Variants in DMRT1 observed in about 807,000 individuals in gnomAD.
The protein encoded by DMRT1 is doublesex and mab-3 related transcription factor 1, also known as doublesex- and mab-3-related transcription factor 1.
DMRT1 carries 7 observed loss-of-function variants against 32.3 expected under a neutral mutation model. The observed-to-expected ratio is 0.22, with a 90% CI of 0.12 to 0.41. The LOEUF (loss-of-function observed/expected upper bound fraction) is 0.41. Ranked by LOEUF, DMRT1 falls within the 10% of genes least tolerant of loss-of-function variation. The probability of loss-of-function intolerance (pLI) is 1.00; values close to 1 mark genes in which losing one functional copy is unlikely to be tolerated. For missense variants in DMRT1, 625 were observed against 500.5 expected (o/e 1.25, Z -2.37); for synonymous variants, 278 against 206.1 (o/e 1.35, Z -2.99).
In DMRT1 at chr9:945,718, C is replaced by CT. The variant is rs199537897; in HGVS notation, c.968-22261dup. 3.7e-3 allele frequency among the ~76,000 whole-genome samples: 525 copies of CT among 141,694 alleles called. 5 individuals are homozygous for CT. The highest frequency in any genetic ancestry group is 5.7e-3 in the Non-Finnish European group (375 of 65,536). The allele number at this position is 141,694 out of a possible 152,430, so 93.0% of individuals were successfully genotyped here. A position where few individuals can be genotyped will look rare whatever the true frequency, so the allele number is the denominator to read the frequency against. On this transcript the variant is annotated intron_variant, in intron 4 of 4. Coordinates refer to ENST00000382276, the MANE Select transcript of DMRT1 (RefSeq NM_021951.3). ...ATTCTCTGTAGTTCCTGATGAGTTGCTTTTTTAAAAAAAAATACACACTTT... is the reference window on the plus strand; with the variant it reads ...ATTCTCTGTAGTTCCTGATGAGTTGCTTTTTTTAAAAAAAAATACACACTTT...
chr9:856,208 C>T (rs572182067), intron 2 of DMRT1, among the ~76,000 whole-genome samples: 1 of 152,254 alleles, frequency 6.6e-6, no homozygotes, highest in East Asian at 1.9e-4. Flanking sequence ...TGAGCCACCG[C>T]GCCCGGTGAC....
chr9:888,952 C>A (rs1817037394), intron 2 of DMRT1, among the ~76,000 whole-genome samples: 1 of 149,008 alleles, frequency 6.7e-6, no homozygotes, highest in South Asian at 2.1e-4. Flanking sequence ...CATGGTGAGA[C>A]CCCATCTGTA....
chr9:940,927 A>G (rs181746528), intron 4 of DMRT1, among the ~76,000 whole-genome samples: 3 of 152,360 alleles, frequency 2.0e-5, no homozygotes, highest in East Asian at 1.9e-4. Context: ...GCTAATACGC[A>G]TATGAAAGGA....
intron 2 of DMRT1, among the ~76,000 whole-genome samples, chr9:887,544 T>G (rs1230470370): frequency 6.6e-6 from 1 of 152,224 alleles, no homozygotes; most frequent in African/African-American, 2.4e-5. Flanking sequence ...CAGTTGTCAC[T>G]TGTGAACTCT....
chr9:875,332 C>T (rs1816451223), intron 2 of DMRT1, among the ~76,000 whole-genome samples: 1 of 152,186 alleles, frequency 6.6e-6, no homozygotes, highest in African/African-American at 2.4e-5. Flanking sequence ...TGCAAACTCA[C>T]TTTCCACAGA....
At position 924,103 on chromosome 9, in the gene DMRT1, T is replaced by A. The variant is rs530881325; in HGVS notation, c.967+7196T>A. On this transcript the variant is annotated intron_variant, in intron 4 of 4. Transcript: ENST00000382276. Reference sequence around the variant, plus strand: ...TTTTTTTTTTTCCACCTGGAGTCTCTCTCTGTCTCCCAGGCTGGAGTGCAG... The same window carrying A: ...TTTTTTTTTTTCCACCTGGAGTCTCACTCTGTCTCCCAGGCTGGAGTGCAG... Among the ~76,000 whole-genome samples, 11 of 147,308 alleles carry A rather than the reference T, an allele frequency of 7.5e-5. No individual in the cohort carries two copies. In the East Asian group the frequency reaches 2.2e-3, roughly 30 times the overall value.
At chr9:943,765 C>G (rs188094180) in intron 4 of DMRT1, among the ~76,000 whole-genome samples, 40 of 152,200 alleles carry the variant, frequency 2.6e-4, no homozygotes, top group African/African-American at 9.2e-4. Flanking sequence ...GGACCCCATT[C>G]TCAAGAGGAT....
chr9:886,548 G>A (rs1816937763), intron 2 of DMRT1, among the ~76,000 whole-genome samples: 1 of 152,000 alleles, frequency 6.6e-6, no homozygotes, highest in African/African-American at 2.4e-5. Context: ...GAGCCACCGT[G>A]TACGGCCAAA....
intron 4 of DMRT1, 108 bp downstream of exon 4, chr9:917,015 T>A (rs10123307): frequency 7.9e-7 from 1 of 1,259,684 alleles, no homozygotes; most frequent in African/African-American, 1.5e-5. Flanking sequence ...TTGTTGGAAA[T>A]TTTATTGCTG....
At chr9:914,521 C>G (rs907434896) in intron 3 of DMRT1, among the ~76,000 whole-genome samples, 4 of 130,166 alleles carry the variant, frequency 3.1e-5, no homozygotes, top group Admixed American at 2.0e-4. Context: ...TTGCAATGAG[C>G]CAATATCATG....
At chr9:875,701 A>G (rs1816470718) in intron 2 of DMRT1, among the ~76,000 whole-genome samples, 1 of 152,154 alleles carries the variant, frequency 6.6e-6, no homozygotes, top group South Asian at 2.1e-4. Context: ...GGCTCTTTGT[A>G]GTCATTTCTT....
At chr9:917,838 A>C (rs1334937072) in intron 4 of DMRT1, among the ~76,000 whole-genome samples, 1 of 152,236 alleles carries the variant, frequency 6.6e-6, no homozygotes, top group African/African-American at 2.4e-5. Context: ...AAAATAAAGG[A>C]CTTCTATTAA....
intron 2 of DMRT1, among the ~76,000 whole-genome samples, chr9:880,020 A>T (rs1816666874): frequency 6.6e-6 from 1 of 152,238 alleles, no homozygotes; most frequent in Admixed American, 6.5e-5. Context: ...TCTAATTTTT[A>T]CTTGAAAACT....
At chr9:858,976 A>G (rs538479350) in intron 2 of DMRT1, among the ~76,000 whole-genome samples, 71 of 151,832 alleles carry the variant, frequency 4.7e-4, no homozygotes, top group Non-Finnish European at 1.0e-3. Flanking sequence ...ACCACCATCC[A>G]TCTCCAGAAC....
chr9:877,384 C>G (rs921872330), intron 2 of DMRT1, among the ~76,000 whole-genome samples: 1 of 152,156 alleles, frequency 6.6e-6, no homozygotes, highest in Non-Finnish European at 1.5e-5. Context: ...GTAGAGGAGA[C>G]AAAGAAATGC....
At chr9:942,974 C>G (rs1420337818) in intron 4 of DMRT1, among the ~76,000 whole-genome samples, 2 of 152,024 alleles carry the variant, frequency 1.3e-5, no homozygotes, top group African/African-American at 4.8e-5. Context: ...GACTTTAAAC[C>G]TCTGCACACC....
chr9:848,747 G>A (rs966437165), intron 2 of DMRT1, among the ~76,000 whole-genome samples: 1 of 147,564 alleles, frequency 6.8e-6, no homozygotes, highest in African/African-American at 2.5e-5. Flanking sequence ...TAAAGATGGA[G>A]TTTCACCATG....
chr9:949,538 TCTTA>T (rs1330517831), intron 4 of DMRT1, among the ~76,000 whole-genome samples: 1 of 152,274 alleles, frequency 6.6e-6, no homozygotes, highest in East Asian at 1.9e-4. Context: ...TGCAAAAGTT[TCTTA>T]CTGTCTGCTT....
rs145143998 is a variant in DMRT1, at chr9:931,136, T to C, written c.967+14229T>C. Among the ~76,000 whole-genome samples the C allele has an allele frequency of 2.0e-3, 305 of 152,370 alleles. 2 individuals carry two copies. The highest frequency in any genetic ancestry group is 7.1e-3 in the African/African-American group (295 of 41,590). Reference sequence around the variant, plus strand: ...GAATATGTGGTCTTTTGTGTCCGACTTCTTTCATTTAGCATAATATTTTCT... The same window carrying C: ...GAATATGTGGTCTTTTGTGTCCGACCTCTTTCATTTAGCATAATATTTTCT... On this transcript the variant is annotated intron_variant, in intron 4 of 4. Transcript: ENST00000382276.
Sources: allele counts gnomAD v4.1 joint callset (sites outside exome capture counted in the v4.1 genomes callset), GRCh38; gene constraint gnomAD v4.1.1; transcripts MANE v1.5; gene names NCBI Gene and HGNC (gene_info 2026-07-23, HGNC 2026-07-21).